The following CADM2 variants were observed in gnomAD, a reference collection of about 807,000 sequenced individuals.
CADM2 encodes the protein cell adhesion molecule 2.
Under a neutral mutation model 49.8 loss-of-function variants are expected in CADM2, and 12 were observed. That is an observed-to-expected ratio of 0.24 (90% CI 0.15 to 0.39). The LOEUF (loss-of-function observed/expected upper bound fraction) is 0.39. Among genes scored for constraint, CADM2 ranks in the 10% least tolerant of loss-of-function variants. The probability of loss-of-function intolerance (pLI) is 1.00; values close to 1 mark genes in which losing one functional copy is unlikely to be tolerated. For synonymous variants in CADM2, 214 were observed against 175.4 expected (o/e 1.22, Z -1.74); for missense variants, 378 against 492.3 (o/e 0.77, Z 2.20).
At chr3:86,047,900 AGAG>A (rs1447613876) in intron 8 of CADM2, among the ~76,000 whole-genome samples, 1 of 152,144 alleles carries the variant, frequency 6.6e-6, no homozygotes, top group Non-Finnish European at 1.5e-5. Context: ...AGTGATAGGA[AGAG>A]GAAGATATCG....
chr3:85,876,187 A>G (rs961548829), intron 3 of CADM2, among the ~76,000 whole-genome samples: 1 of 152,196 alleles, frequency 6.6e-6, no homozygotes, highest in African/African-American at 2.4e-5. Flanking sequence ...AATGTTATAC[A>G]TTGAGAATTA....
At chr3:85,722,941 G>T (rs1184425608) in intron 1 of CADM2, among the ~76,000 whole-genome samples, 1 of 152,136 alleles carries the variant, frequency 6.6e-6, no homozygotes, top group Non-Finnish European at 1.5e-5. Context: ...AAACAAATCA[G>T]TAACCTAGTC....
intron 1 of CADM2, among the ~76,000 whole-genome samples, chr3:85,378,088 A>G (rs891562931): frequency 2.0e-5 from 3 of 152,030 alleles, no homozygotes; most frequent in Non-Finnish European, 4.4e-5. Context: ...ATCATTGTGA[A>G]CCACAATGTA....
chr3:85,437,172 C>T (rs1017433913), intron 1 of CADM2, among the ~76,000 whole-genome samples: 13 of 152,012 alleles, frequency 8.6e-5, no homozygotes, highest in African/African-American at 3.1e-4. Flanking sequence ...TCTTTTCATG[C>T]TTTGATAGCT....
intron 1 of CADM2, among the ~76,000 whole-genome samples, chr3:85,249,275 A>T (rs772572898): frequency 2.6e-5 from 4 of 152,078 alleles, no homozygotes; most frequent in Non-Finnish European, 4.4e-5. Flanking sequence ...ATCCTTGCTA[A>T]TTTTAGTTAG....
rs182838512 is a variant in CADM2, at chr3:84,972,102, A to T, written c.61+12434A>T. Among the ~76,000 whole-genome samples the T allele has an allele frequency of 5.9e-5, 9 of 152,316 alleles. No individual in the cohort carries two copies. The East Asian group carries it at 1.7e-3, about 29-fold the overall frequency. ...CATGATGGTAGGAAGCAAGAGACCT[A>T]AGTTCTCAGGCAAGCCGTGTCACGG... On this transcript the variant is annotated intron_variant, in intron 1 of 9. Coordinates refer to ENST00000383699, the MANE Select transcript of CADM2 (RefSeq NM_001167675.2).
chr3:85,934,853 T>C (rs1302025096), intron 6 of CADM2, among the ~76,000 whole-genome samples: 1 of 151,994 alleles, frequency 6.6e-6, no homozygotes, highest in Non-Finnish European at 1.5e-5. Context: ...TGTGATCTTC[T>C]GGAGAGTTCA....
At chr3:85,164,307 T>C (rs1056282907) in intron 1 of CADM2, among the ~76,000 whole-genome samples, 7 of 152,018 alleles carry the variant, frequency 4.6e-5, no homozygotes, top group Admixed American at 3.3e-4. Flanking sequence ...GAGATTGTCT[T>C]ATTCAAAGAT....
At chr3:85,220,407 A>G (rs568963939) in intron 1 of CADM2, among the ~76,000 whole-genome samples, 1 of 152,144 alleles carries the variant, frequency 6.6e-6, no homozygotes, top group South Asian at 2.1e-4. Context: ...TAAATGTGAC[A>G]TAGTCTGTCA....
chr3:85,716,484 G>C (rs2067297937), intron 1 of CADM2, among the ~76,000 whole-genome samples: 1 of 152,032 alleles, frequency 6.6e-6, no homozygotes, highest in South Asian at 2.1e-4. Context: ...AGTTTCTTTT[G>C]CTCTTCAGAA....
chr3:85,954,826 T>A (rs1247359945), intron 7 of CADM2, among the ~76,000 whole-genome samples: 2 of 151,292 alleles, frequency 1.3e-5, no homozygotes, highest in South Asian at 4.1e-4. Context: ...AGACTCTTAC[T>A]ATAATTTCTT....
At chr3:85,537,423 AG>A (rs1241285535) in intron 1 of CADM2, among the ~76,000 whole-genome samples, 3 of 152,194 alleles carry the variant, frequency 2.0e-5, no homozygotes, top group African/African-American at 7.2e-5. Flanking sequence ...TGCAATGTAA[AG>A]AATATATGTT....
intron 1 of CADM2, among the ~76,000 whole-genome samples, chr3:85,564,482 C>A (rs932930528): frequency 4.6e-5 from 7 of 152,132 alleles, no homozygotes; most frequent in Non-Finnish European, 1.0e-4. Flanking sequence ...CTTCACAATT[C>A]TTTTACTTGA....
rs2107471972 is a variant in CADM2 at position 86,073,450 on chromosome 3, A to T, written c.*6667A>T. Reference sequence around the variant, plus strand: ...CAAAATGCATATTGTAATATTTGGTACATGACACTTGCATGTTGATATGCC... The same window carrying T: ...CAAAATGCATATTGTAATATTTGGTTCATGACACTTGCATGTTGATATGCC... On this transcript the variant is annotated 3_prime_UTR_variant, in exon 10 of 10. Transcript: ENST00000383699. The T allele has an allele frequency of 6.6e-6, 1 of 152,182 alleles. No homozygotes were observed. Among genetic ancestry groups the T allele is most frequent in the African/African-American group, 2.4e-5 (1 of 41,584 alleles). 9.4% of individuals were successfully genotyped at this position (152,182 alleles called of 1,614,324 possible). A position where few individuals can be genotyped will look rare whatever the true frequency, so the allele number is the denominator to read the frequency against.
At chr3:85,878,286 T>C (rs1577544213) in intron 3 of CADM2, among the ~76,000 whole-genome samples, 2 of 152,210 alleles carry the variant, frequency 1.3e-5, no homozygotes, top group East Asian at 3.9e-4. Flanking sequence ...CATAGGAGTT[T>C]TACCTCATAG....
chr3:85,670,176 A>G (rs1240091527), intron 1 of CADM2, among the ~76,000 whole-genome samples: 1 of 152,190 alleles, frequency 6.6e-6, no homozygotes, highest in Non-Finnish European at 1.5e-5. Flanking sequence ...TGGCCTCGGT[A>G]AATAGTGTAC....
intron 1 of CADM2, among the ~76,000 whole-genome samples, chr3:85,365,161 G>T (rs564135962): frequency 7.0e-6 from 1 of 142,232 alleles, no homozygotes; most frequent in Non-Finnish European, 1.5e-5. Context: ...AGACATTCTT[G>T]GTGGGTCAAG....
At chr3:85,030,429 A>C (rs1257295296) in intron 1 of CADM2, among the ~76,000 whole-genome samples, 2 of 152,136 alleles carry the variant, frequency 1.3e-5, no homozygotes, top group African/African-American at 4.8e-5. Context: ...CGACCAGCAT[A>C]TTTTGTCCAC....
chr3:85,535,419 T>C (rs1287832146), intron 1 of CADM2, among the ~76,000 whole-genome samples: 1 of 152,116 alleles, frequency 6.6e-6, no homozygotes, highest in African/African-American at 2.4e-5. Flanking sequence ...CCATCTAAAA[T>C]AAACATCTGG....
Sources: gnomAD v4.1 joint callset for allele counts (sites outside exome capture counted in the v4.1 genomes callset) on GRCh38, gnomAD v4.1.1 for gene constraint, MANE v1.5 for transcripts, NCBI Gene and HGNC (gene_info 2026-07-23, HGNC 2026-07-21) for gene names.